GLIS3: variants seen among roughly 807,000 people sequenced by gnomAD.
The protein encoded by GLIS3 is zinc finger protein GLIS3.
GLIS3 carries 53 observed loss-of-function variants against 78.6 expected under a neutral mutation model. The ratio of observed to expected loss-of-function variants is 0.67; its 90% CI spans 0.54 to 0.85. GLIS3 has a LOEUF of 0.85. Ranked by LOEUF, GLIS3 falls within the 40% of genes least tolerant of loss-of-function variation. The pLI is 0.00. For missense variants in GLIS3, 1,703 were observed against 1,231.1 expected (o/e 1.38, Z -5.74); for synonymous variants, 684 against 509.9 (o/e 1.34, Z -4.60).
At chr9:4,388,075 T>A in the GLIS3 span, among the ~76,000 whole-genome samples, 1 of 152,284 alleles carries the variant, frequency 6.6e-6, no homozygotes, top group Admixed American at 6.5e-5. Context: ...ACATGTACCA[T>A]TAAAGTTTCT....
the GLIS3 span, among the ~76,000 whole-genome samples, chr9:4,433,901 C>A: frequency 2.0e-5 from 3 of 152,122 alleles, no homozygotes; most frequent in African/African-American, 7.2e-5. Context: ...TAGAGACCAT[C>A]CTGGCCAACA....
At chr9:4,209,443 C>A (rs1479064412) in intron 2 of GLIS3, among the ~76,000 whole-genome samples, 1 of 152,120 alleles carries the variant, frequency 6.6e-6, no homozygotes, top group Non-Finnish European at 1.5e-5. Context: ...CACAAAGAAC[C>A]CTCCTACTCC....
the GLIS3 span, among the ~76,000 whole-genome samples, chr9:4,465,235 G>A: frequency 6.6e-6 from 1 of 152,326 alleles, no homozygotes; most frequent in East Asian, 1.9e-4. Context: ...ATATAACATT[G>A]CATACATTCT....
chr9:4,428,377 G>A, the GLIS3 span, among the ~76,000 whole-genome samples: 1 of 151,118 alleles, frequency 6.6e-6, no homozygotes, highest in African/African-American at 2.4e-5. Flanking sequence ...TACTTGGGAG[G>A]CTGAGGCACA....
At chr9:4,048,256 T>C (rs900161535) in intron 4 of GLIS3, among the ~76,000 whole-genome samples, 3 of 152,186 alleles carry the variant, frequency 2.0e-5, no homozygotes, top group African/African-American at 7.2e-5. Context: ...AAGTAAATGG[T>C]ATTTTTAAAT....
chr9:3,844,630 T>C (rs1818926572), intron 9 of GLIS3, among the ~76,000 whole-genome samples: 1 of 152,218 alleles, frequency 6.6e-6, no homozygotes, highest in Admixed American at 6.5e-5. Flanking sequence ...TTTCTGGATA[T>C]TTCTTTCTCA....
chr9:3,842,492 T>TA (rs1214486586), intron 9 of GLIS3, among the ~76,000 whole-genome samples: 5 of 151,974 alleles, frequency 3.3e-5, no homozygotes, highest in African/African-American at 9.7e-5. Context: ...CCCCAAGAGA[T>TA]AAAGGGAGGA....
At chr9:3,848,752 G>A (rs1054677233) in intron 9 of GLIS3, among the ~76,000 whole-genome samples, 1 of 152,152 alleles carries the variant, frequency 6.6e-6, no homozygotes, top group African/African-American at 2.4e-5. Context: ...CTCTTTGGTG[G>A]GACAAGCCAT....
chr9:3,919,075 C>T (rs1183388177), intron 6 of GLIS3, among the ~76,000 whole-genome samples: 1 of 152,076 alleles, frequency 6.6e-6, no homozygotes, highest in Non-Finnish European at 1.5e-5. Flanking sequence ...CAGATTGCCC[C>T]AACTGGATGG....
chr9:4,096,317 G>C (rs1300169928), intron 4 of GLIS3, among the ~76,000 whole-genome samples: 1 of 152,092 alleles, frequency 6.6e-6, no homozygotes, highest in Non-Finnish European at 1.5e-5. Flanking sequence ...GTGTTATAAG[G>C]ACATACAGTG....
At chr9:4,271,637 C>T (rs1427054694) in intron 2 of GLIS3, among the ~76,000 whole-genome samples, 2 of 152,160 alleles carry the variant, frequency 1.3e-5, no homozygotes, top group Non-Finnish European at 2.9e-5. Flanking sequence ...CCATGAGACA[C>T]CCCCCTGGAT....
At chr9:4,082,311 A>C (rs921218208) in intron 4 of GLIS3, among the ~76,000 whole-genome samples, 2 of 152,236 alleles carry the variant, frequency 1.3e-5, no homozygotes, top group African/African-American at 4.8e-5. Flanking sequence ...TCAGGCATAA[A>C]AACAAAATCT....
intron 2 of GLIS3, among the ~76,000 whole-genome samples, chr9:4,284,053 A>C (rs926271106): frequency 9.2e-5 from 14 of 152,232 alleles, no homozygotes; most frequent in African/African-American, 3.1e-4. Context: ...CTAGCACCTG[A>C]GGTTTTTTAA....
At chr9:3,921,314 C>T (rs917231518) in intron 6 of GLIS3, among the ~76,000 whole-genome samples, 1 of 152,186 alleles carries the variant, frequency 6.6e-6, no homozygotes, top group Non-Finnish European at 1.5e-5. Context: ...TTCACTAAGT[C>T]CATTCACAGG....
chr9:3,915,848 C>T (rs1219944634), intron 6 of GLIS3, among the ~76,000 whole-genome samples: 1 of 152,138 alleles, frequency 6.6e-6, no homozygotes, highest in African/African-American at 2.4e-5. Flanking sequence ...AAGAAATACT[C>T]TCGCATATAT....
At chr9:3,985,067 A>T (rs1819627869) in intron 4 of GLIS3, among the ~76,000 whole-genome samples, 1 of 151,202 alleles carries the variant, frequency 6.6e-6, no homozygotes, top group South Asian at 2.1e-4. Context: ...TCAGCAGTGT[A>T]AGAACAGACT....
At chr9:4,053,104 C>T (rs947677192) in intron 4 of GLIS3, among the ~76,000 whole-genome samples, 2 of 152,156 alleles carry the variant, frequency 1.3e-5, no homozygotes, top group African/African-American at 2.4e-5. Flanking sequence ...CACACCCCCA[C>T]ATCTGGCTAA....
chr9:4,466,874 C>A, the GLIS3 span, among the ~76,000 whole-genome samples: 1 of 152,220 alleles, frequency 6.6e-6, no homozygotes, highest in Non-Finnish European at 1.5e-5. Flanking sequence ...GGGTATTCCC[C>A]TTCCTAGCCA....
At chr9:4,403,201 C>G in the GLIS3 span, among the ~76,000 whole-genome samples, 1 of 152,048 alleles carries the variant, frequency 6.6e-6, no homozygotes, top group East Asian at 1.9e-4. Context: ...AACTTTTACC[C>G]TATCTGGTGA....
Sources: allele counts gnomAD v4.1 joint callset (sites outside exome capture counted in the v4.1 genomes callset), GRCh38; gene constraint gnomAD v4.1.1; transcripts MANE v1.5; gene names NCBI Gene and HGNC (gene_info 2026-07-23, HGNC 2026-07-21).